MAP2K5: variants seen among roughly 807,000 people sequenced by gnomAD.
MAP2K5 encodes mitogen-activated protein kinase kinase 5, also known as dual specificity mitogen-activated protein kinase kinase 5.
Under a neutral mutation model 83.1 loss-of-function variants are expected in MAP2K5, and 49 were observed. The ratio of observed to expected loss-of-function variants is 0.59; its 90% CI spans 0.47 to 0.75. The LOEUF is 0.75. MAP2K5 is among the 30% of genes least tolerant of loss of function. The pLI, the probability that MAP2K5 is intolerant of heterozygous loss-of-function variation, is 0.00. For missense variants in MAP2K5, 457 were observed against 557.5 expected (o/e 0.82, Z 1.82); for synonymous variants, 202 against 191.8 (o/e 1.05, Z -0.44).
chr15:67,548,517 C>G (rs2084441978), intron 1 of MAP2K5, among the ~76,000 whole-genome samples: 1 of 152,220 alleles, frequency 6.6e-6, no homozygotes, highest in Non-Finnish European at 1.5e-5. Context: ...GAGTACTTTA[C>G]AAATACTAAC....
At chr15:67,630,657 A>G (rs2086451472) in intron 8 of MAP2K5, among the ~76,000 whole-genome samples, 1 of 152,212 alleles carries the variant, frequency 6.6e-6, no homozygotes, top group East Asian at 1.9e-4. Flanking sequence ...TAAAAGGAGG[A>G]TAATAATGTA....
chr15:67,549,342 C>T (rs2084462331), intron 1 of MAP2K5: 2 of 745,946 alleles, frequency 2.7e-6, no homozygotes, highest in Admixed American at 2.4e-5. Flanking sequence ...GCTAGATTAA[C>T]TTTATTTCGG....
At chr15:67,605,096 A>C (rs2085752054) in intron 8 of MAP2K5, among the ~76,000 whole-genome samples, 1 of 149,736 alleles carries the variant, frequency 6.7e-6, no homozygotes, top group Non-Finnish European at 1.5e-5. Flanking sequence ...CTCTGTCGCC[A>C]GGCTGGAGTG....
intron 21 of MAP2K5, among the ~76,000 whole-genome samples, chr15:67,803,220 A>G (rs1184958810): frequency 6.6e-6 from 1 of 152,204 alleles, no homozygotes; most frequent in Non-Finnish European, 1.5e-5. Context: ...GTGCCTCATC[A>G]GTAATACGAA....
intron 9 of MAP2K5, among the ~76,000 whole-genome samples, chr15:67,645,296 A>G (rs1268448964): frequency 6.6e-6 from 1 of 152,018 alleles, no homozygotes; most frequent in African/African-American, 2.4e-5. Context: ...TGAGCAACAT[A>G]GTGAAACCCC....
rs1253866148 is a variant in MAP2K5 at position 67,779,943 on chromosome 15, C to G, written c.1242+7191C>G. ...TTGGCCATGACTCAGCTCACTAGAACTTTCTGTTATTTGGGTGGTGCCCTC... is the reference window on the plus strand; with the variant it reads ...TTGGCCATGACTCAGCTCACTAGAAGTTTCTGTTATTTGGGTGGTGCCCTC... On this transcript the variant is annotated intron_variant, in intron 21 of 21. Transcript: ENST00000178640. This position sits in a 1 kb window ranked among gnomAD's most constrained non-coding sequence, Gnocchi z 4.6. Among the ~76,000 whole-genome samples the G allele has an allele frequency of 6.6e-6, 1 of 152,136 alleles. No individual in the cohort carries two copies. Among genetic ancestry groups the G allele is most frequent in the Non-Finnish European group, 1.5e-5 (1 of 68,028 alleles).
intron 16 of MAP2K5, among the ~76,000 whole-genome samples, chr15:67,715,113 C>T (rs2088797766): frequency 2.0e-5 from 3 of 152,128 alleles, no homozygotes; most frequent in Admixed American, 2.0e-4. Flanking sequence ...GGGTCCTCCC[C>T]TCCCACTGAA....
At chr15:67,752,447 A>G (rs986313649) in intron 19 of MAP2K5, among the ~76,000 whole-genome samples, 2 of 151,898 alleles carry the variant, frequency 1.3e-5, no homozygotes, top group Non-Finnish European at 2.9e-5. Context: ...TGGGAGGCCA[A>G]AGCGGGTGGA....
chr15:67,798,452 G>A (rs562806066), intron 21 of MAP2K5, among the ~76,000 whole-genome samples: 36 of 152,270 alleles, frequency 2.4e-4, no homozygotes, highest in South Asian at 2.1e-3. Context: ...CCTCACCATG[G>A]CCCACTGGAG....
chr15:67,575,916 C>CTTTCTTTCT (rs1555527940), intron 3 of MAP2K5, among the ~76,000 whole-genome samples: 6 of 135,736 alleles, frequency 4.4e-5, no homozygotes, highest in Admixed American at 1.5e-4. Context: ...TTCTTTCTTT[C>CTTTCTTTCT]TTTTTTTTTT....
chr15:67,712,319 C>T (rs2088710133), intron 16 of MAP2K5, among the ~76,000 whole-genome samples: 1 of 152,186 alleles, frequency 6.6e-6, no homozygotes, highest in South Asian at 2.1e-4. Flanking sequence ...CTAAATCATG[C>T]TCCCAGGAGA....
rs1454926118 is a variant in MAP2K5 at position 67,559,883 on chromosome 15, G to C, written c.185-3400G>C. On this transcript the variant is annotated intron_variant, in intron 2 of 21. Coordinates refer to ENST00000178640, the MANE Select transcript of MAP2K5 (RefSeq NM_145160.3). The surrounding 1 kb of genome is among the most constrained non-coding windows in gnomAD (Gnocchi z 4.7). ...AACCTCCATGTATAAGATAGAAAAA[G>C]CTCAAATTATTTTCTTGCTTCTTAG... 6.6e-6 allele frequency among the ~76,000 whole-genome samples: 1 copy of C among 152,148 alleles called. No homozygotes were observed. Among genetic ancestry groups the C allele is most frequent in the Non-Finnish European group, 1.5e-5 (1 of 68,034 alleles).
rs535100692 is a variant in MAP2K5, at chr15:67,717,901, C to T, written c.1045-10015C>T. 2.6e-5 allele frequency: 4 copies of T among 152,332 alleles called. No homozygotes were observed. In the East Asian group the frequency reaches 7.7e-4, roughly 29 times the overall value. The allele number at this position is 152,332 out of a possible 1,614,324, so 9.4% of individuals were successfully genotyped here. A position where few individuals can be genotyped will look rare whatever the true frequency, so the allele number is the denominator to read the frequency against. On this transcript the variant is annotated intron_variant, in intron 16 of 21. Coordinates refer to ENST00000178640, the MANE Select transcript of MAP2K5 (RefSeq NM_145160.3). The surrounding 1 kb of genome is among the most constrained non-coding windows in gnomAD (Gnocchi z 4.1). ...AGAAATTACACAGGATTGTTCCTGCCACATTCTGTTGATCACAGTGTAGGT... is the reference window on the plus strand; with the variant it reads ...AGAAATTACACAGGATTGTTCCTGCTACATTCTGTTGATCACAGTGTAGGT...
rs1367233476 is a variant in MAP2K5 at position 67,801,616 on chromosome 15, C to G, written c.1243-5030C>G. Among the ~76,000 whole-genome samples, 1 of 152,188 alleles carries G rather than the reference C, an allele frequency of 6.6e-6. No individual in the cohort carries two copies. The highest frequency in any genetic ancestry group is 1.5e-5 in the Non-Finnish European group (1 of 68,038). On this transcript the variant is annotated intron_variant, in intron 21 of 21. Coordinates refer to ENST00000178640, the MANE Select transcript of MAP2K5 (RefSeq NM_145160.3). This position sits in a 1 kb window ranked among gnomAD's most constrained non-coding sequence, Gnocchi z 4.8. ...CTAACTCTGCCACTTTCTCCATGAC[C>G]TTGCCACATAATATCAAGCTTCCTA... is the stretch of plus-strand genomic sequence containing the variant.
chr15:67,557,515 C>A (rs2084652944), intron 2 of MAP2K5, among the ~76,000 whole-genome samples: 1 of 152,178 alleles, frequency 6.6e-6, no homozygotes, highest in South Asian at 2.1e-4. Context: ...CCATTTTATA[C>A]TCTCTCCTTA....
chr15:67,664,383 C>T (rs1190131534), intron 12 of MAP2K5, among the ~76,000 whole-genome samples: 1 of 144,142 alleles, frequency 6.9e-6, no homozygotes, highest in Non-Finnish European at 1.5e-5. Flanking sequence ...CACCTGTGGT[C>T]CCAGCTACTC....
chr15:67,623,667 G>A lies in MAP2K5; in HGVS notation c.546-7221G>A, dbSNP rs935882268. ...GGCTAGAGTGCAATGGTGTGATCTCGGCTCATCGTAACCTCCACCTCCTGG... is the reference window on the plus strand; with the variant it reads ...GGCTAGAGTGCAATGGTGTGATCTCAGCTCATCGTAACCTCCACCTCCTGG... On this transcript the variant is annotated intron_variant, in intron 8 of 21. Transcript: ENST00000178640. 2.7e-5 allele frequency among the ~76,000 whole-genome samples: 4 copies of A among 149,634 alleles called. No individual in the cohort carries two copies. The South Asian group carries it at 6.4e-4, about 24-fold the overall frequency.
At chr15:67,642,455 T>C in intron 9 of MAP2K5, 1 of 1,611,176 alleles carries the variant, frequency 6.2e-7, no homozygotes, top group African/African-American at 1.3e-5. Context: ...ATGTACATAT[T>C]GAGGGCCAGA....
At chr15:67,634,366 TCAAAAAAAAAAAAAAA>T (rs1567324708) in intron 9 of MAP2K5, among the ~76,000 whole-genome samples, 1 of 17,264 alleles carries the variant, frequency 5.8e-5, no homozygotes, top group African/African-American at 1.4e-4. Flanking sequence ...AGACCTCATC[TCAAAAAAAAAAAAAAA>T]AAAAAAAAAA....
Sources: gnomAD v4.1 joint callset for allele counts (sites outside exome capture counted in the v4.1 genomes callset) on GRCh38, gnomAD v4.1.1 for gene constraint, Gnocchi (gnomAD v3.1) non-coding constraint, MANE v1.5 for transcripts, NCBI Gene and HGNC (gene_info 2026-07-23, HGNC 2026-07-21) for gene names.